LRRTM4: variants seen among roughly 807,000 people sequenced by gnomAD.
LRRTM4 encodes the protein leucine-rich repeat transmembrane neuronal protein 4.
In LRRTM4, 25 loss-of-function variants were observed where a neutral mutation model predicts 47.6. The ratio of observed to expected loss-of-function variants is 0.53; its 90% CI spans 0.38 to 0.73. The LOEUF is 0.73. Among genes scored for constraint, LRRTM4 ranks in the 30% least tolerant of loss-of-function variants. The pLI, the probability that LRRTM4 is intolerant of heterozygous loss-of-function variation, is 0.00. For missense variants in LRRTM4, 638 were observed against 713.4 expected, an observed-to-expected ratio of 0.89 and a Z score of 1.20; for synonymous variants, 311 against 269.5, an observed-to-expected ratio of 1.15 and a Z score of -1.51.
rs561769238 is a variant in LRRTM4, at chr2:77,464,873, C to A, written c.1551+53445G>T. On this transcript the variant is annotated intron_variant, in intron 3 of 3. Coordinates refer to ENST00000409884, the MANE Select transcript of LRRTM4 (RefSeq NM_001134745.3). The stretch of plus-strand genomic sequence containing the variant: ...AATCAGCATTGTTTAACAAGCTAAC[C>A]AGGTGTGTGTTATGTAAACTAATGA... Among the ~76,000 whole-genome samples the A allele has an allele frequency of 2.0e-5, 3 of 152,238 alleles. No homozygotes were observed. The South Asian group carries it at 6.2e-4, about 32-fold the overall frequency.
At chr2:77,152,095 T>C (rs1002180420) in intron 3 of LRRTM4, among the ~76,000 whole-genome samples, 1 of 152,152 alleles carries the variant, frequency 6.6e-6, no homozygotes, top group South Asian at 2.1e-4. Flanking sequence ...ATGACTGGCT[T>C]TATGCCACCT....
At chr2:76,798,887 C>G (rs527493943) in intron 3 of LRRTM4, among the ~76,000 whole-genome samples, 69 of 152,214 alleles carry the variant, frequency 4.5e-4, no homozygotes, top group Admixed American at 2.4e-3. Flanking sequence ...TGCACTCTCC[C>G]AAGACTAAAC....
At chr2:77,259,389 A>G (rs1469541149) in intron 3 of LRRTM4, among the ~76,000 whole-genome samples, 4 of 152,098 alleles carry the variant, frequency 2.6e-5, no homozygotes, top group Admixed American at 6.6e-5. Flanking sequence ...CAATTTCTCA[A>G]TATATATTAG....
intron 3 of LRRTM4, among the ~76,000 whole-genome samples, chr2:76,898,305 T>A (rs1673493327): frequency 6.6e-6 from 1 of 152,144 alleles, no homozygotes; most frequent in Non-Finnish European, 1.5e-5. Context: ...ATTTATCCTA[T>A]CAAATTTTTG....
At chr2:76,842,501 A>G (rs978628582) in intron 3 of LRRTM4, among the ~76,000 whole-genome samples, 1 of 152,160 alleles carries the variant, frequency 6.6e-6, no homozygotes, top group Non-Finnish European at 1.5e-5. Context: ...CACCTAACCT[A>G]TGGAACAGCA....
At chr2:77,037,474 G>A (rs1159020306) in intron 3 of LRRTM4, among the ~76,000 whole-genome samples, 4 of 151,544 alleles carry the variant, frequency 2.6e-5, no homozygotes, top group African/African-American at 9.7e-5. Context: ...GCTCCTACAT[G>A]TTTTGTCTCT....
chr2:77,066,746 TTAAAA>T (rs1679968645), intron 3 of LRRTM4, among the ~76,000 whole-genome samples: 2 of 152,322 alleles, frequency 1.3e-5, no homozygotes, highest in South Asian at 4.1e-4. Context: ...GTGTGAAGTA[TTAAAA>T]TAATAGGAGC....
chr2:77,044,906 G>A (rs1258394375), intron 3 of LRRTM4, among the ~76,000 whole-genome samples: 1 of 151,514 alleles, frequency 6.6e-6, no homozygotes, highest in African/African-American at 2.4e-5. Flanking sequence ...TGTGTATGTA[G>A]ATAGGTGTTT....
intron 3 of LRRTM4, among the ~76,000 whole-genome samples, chr2:76,917,355 C>T (rs62170325): frequency 0.16 from 24,865 of 152,032 alleles, 2,258 homozygotes; most frequent in Admixed American, 0.22. Context: ...TTTCCTAGCA[C>T]AGTCATTCTC....
chr2:77,370,079 G>T (rs1405078813), intron 3 of LRRTM4, among the ~76,000 whole-genome samples: 1 of 151,644 alleles, frequency 6.6e-6, no homozygotes, highest in East Asian at 1.9e-4. Context: ...TAATGCAGGG[G>T]ATTCCTGGAA....
chr2:76,937,810 C>G (rs1281685662), intron 3 of LRRTM4, among the ~76,000 whole-genome samples: 2 of 152,094 alleles, frequency 1.3e-5, no homozygotes, highest in African/African-American at 4.8e-5. Context: ...TCGTGATCCG[C>G]CCACCTCAGG....
At chr2:77,245,623 CT>C (rs397731625) in intron 3 of LRRTM4, among the ~76,000 whole-genome samples, 4 of 149,124 alleles carry the variant, frequency 2.7e-5, no homozygotes, top group Non-Finnish European at 3.0e-5. Flanking sequence ...ACTTTAAACA[CT>C]TTTTTTTTGT....
chr2:76,796,014 G>T (rs1460302751), intron 3 of LRRTM4, among the ~76,000 whole-genome samples: 1 of 135,320 alleles, frequency 7.4e-6, no homozygotes, highest in Non-Finnish European at 1.5e-5. Context: ...AAGCGCAAGG[G>T]GTCACGGAGT....
intron 3 of LRRTM4, among the ~76,000 whole-genome samples, chr2:77,228,222 T>A (rs1674867312): frequency 6.6e-6 from 1 of 152,124 alleles, no homozygotes; most frequent in African/African-American, 2.4e-5. Context: ...ATCCATGATA[T>A]TTCTAACAAA....
intron 3 of LRRTM4, among the ~76,000 whole-genome samples, chr2:77,280,554 G>C (rs1162052984): frequency 6.6e-6 from 1 of 151,962 alleles, no homozygotes; most frequent in Non-Finnish European, 1.5e-5. Flanking sequence ...GCAGAACAAG[G>C]GAAGTGATAT....
intron 3 of LRRTM4, among the ~76,000 whole-genome samples, chr2:77,239,308 T>C (rs187397170): frequency 6.6e-6 from 1 of 152,088 alleles, no homozygotes; most frequent in Non-Finnish European, 1.5e-5. Context: ...AAGGAGCAAA[T>C]ATTGTAGTCA....
chr2:77,127,928 AG>A (rs1470484787), intron 3 of LRRTM4, among the ~76,000 whole-genome samples: 2 of 152,132 alleles, frequency 1.3e-5, no homozygotes, highest in African/African-American at 4.8e-5. Context: ...GCGGATCATG[AG>A]GTCAGGAGTT....
chr2:77,135,325 T>C (rs1181354203), intron 3 of LRRTM4, among the ~76,000 whole-genome samples: 1 of 152,194 alleles, frequency 6.6e-6, no homozygotes, highest in African/African-American at 2.4e-5. Context: ...ATTCATTATG[T>C]TAAATGGCAC....
intron 3 of LRRTM4, among the ~76,000 whole-genome samples, chr2:77,340,855 T>A (rs537221759): frequency 6.6e-6 from 1 of 152,106 alleles, no homozygotes; most frequent in Non-Finnish European, 1.5e-5. Context: ...GTAAAGAAGA[T>A]GTTTTAAAAA....
Sources: allele counts gnomAD v4.1 joint callset (sites outside exome capture counted in the v4.1 genomes callset), GRCh38; gene constraint gnomAD v4.1.1; transcripts MANE v1.5; gene names NCBI Gene and HGNC (gene_info 2026-07-23, HGNC 2026-07-21).